The following RCAN2 variants were observed in gnomAD, a reference collection of about 807,000 sequenced individuals.
The protein encoded by RCAN2 is calcipressin-2.
Under a neutral mutation model 23.6 loss-of-function variants are expected in RCAN2, and 9 were observed. That is an observed-to-expected ratio of 0.38 (90% CI 0.23 to 0.67). The LOEUF (loss-of-function observed/expected upper bound fraction) is 0.67, where lower values mean the gene tolerates loss of function less well. Ranked by LOEUF, RCAN2 falls within the 30% of genes least tolerant of loss-of-function variation. The pLI is 0.51. For missense variants in RCAN2, 273 were observed against 302.3 expected, an observed-to-expected ratio of 0.90 and a Z score of 0.72; for synonymous variants, 109 against 115.7, an observed-to-expected ratio of 0.94 and a Z score of 0.37.
At chr6:46,440,372 T>C (rs1450254382) in intron 2 of RCAN2, among the ~76,000 whole-genome samples, 1 of 152,072 alleles carries the variant, frequency 6.6e-6, no homozygotes, top group Non-Finnish European at 1.5e-5. Context: ...AAACTATTTT[T>C]CTAAACCATA....
intron 1 of RCAN2, among the ~76,000 whole-genome samples, chr6:46,476,612 A>G (rs1475439461): frequency 6.6e-6 from 1 of 152,178 alleles, no homozygotes; most frequent in Non-Finnish European, 1.5e-5. Context: ...TCTTTGTCCA[A>G]GGTTCCTGGC....
chr6:46,465,360 A>G (rs1368759976), intron 1 of RCAN2, among the ~76,000 whole-genome samples: 1 of 152,240 alleles, frequency 6.6e-6, no homozygotes, highest in African/African-American at 2.4e-5. Flanking sequence ...TCAAGGTCTC[A>G]CAGGAAACAG....
chr6:46,406,784 A>G (rs530699571), intron 2 of RCAN2, among the ~76,000 whole-genome samples: 1 of 152,372 alleles, frequency 6.6e-6, no homozygotes, highest in Non-Finnish European at 1.5e-5. Context: ...CTTTCAGTGT[A>G]AACGACAGCC....
chr6:46,396,215 C>T (rs960024738), intron 2 of RCAN2, among the ~76,000 whole-genome samples: 2 of 151,996 alleles, frequency 1.3e-5, no homozygotes, highest in African/African-American at 2.4e-5. Flanking sequence ...TCATTTTTAT[C>T]GACAAGAGAA....
In RCAN2 at chr6:46,305,918, CTTT is replaced by C. The variant is rs756724125; in HGVS notation, c.226-57025_226-57023del. On this transcript the variant is annotated intron_variant, in intron 2 of 4. Transcript: ENST00000371374. ...CCTAGTCCTGTTCTCTGCTGAAGAC[CTTT>C]TTTTTTTTTTTTCATGATTACCACT... 1.2e-4 allele frequency among the ~76,000 whole-genome samples: 17 copies of C among 142,928 alleles called. No individual in the cohort carries two copies. The Middle Eastern group carries it at 9.9e-3, about 84-fold the overall frequency. 93.8% of individuals were successfully genotyped at this position (142,928 alleles called of 152,430 possible). A position where few individuals can be genotyped will look rare whatever the true frequency, so the allele number is the denominator to read the frequency against.
chr6:46,304,189 T>C (rs1159314150), intron 2 of RCAN2, among the ~76,000 whole-genome samples: 2 of 152,158 alleles, frequency 1.3e-5, no homozygotes, highest in Admixed American at 6.6e-5. Context: ...ATTTCCCTGA[T>C]GACTAATAGT....
chr6:46,456,971 C>T lies in RCAN2; in HGVS notation c.6G>A (p.Arg2=). The stretch of plus-strand genomic sequence containing the variant: ...TCATTCCGATGAAGTATGATTCTCC[C>T]CTCATTCCTGGGGATACAAAGATGA... M[R]GESYFIGMRS... Residue 2 remains arginine (R), a synonymous_variant, in exon 2 of 5, where the codon AGG becomes AGA. Coordinates refer to ENST00000371374, the MANE Select transcript of RCAN2 (RefSeq NM_001251974.2). The T allele has an allele frequency of 6.5e-7, 1 of 1,549,396 alleles. No homozygotes were observed. Among genetic ancestry groups the T allele is most frequent in the Non-Finnish European group, 8.7e-7 (1 of 1,145,790 alleles).
chr6:46,364,009 C>A (rs1179109396), intron 2 of RCAN2, among the ~76,000 whole-genome samples: 8 of 152,142 alleles, frequency 5.3e-5, no homozygotes. Context: ...GAAAAAAATT[C>A]ACTGAATCTT....
At chr6:46,368,343 T>C (rs983322276) in intron 2 of RCAN2, among the ~76,000 whole-genome samples, 4 of 152,216 alleles carry the variant, frequency 2.6e-5, no homozygotes, top group African/African-American at 9.6e-5. Context: ...CCTGGGCAAC[T>C]TGACTCTGGA....
rs191924233 is a variant in RCAN2 at position 46,435,720 on chromosome 6, C to A, written c.225+21032G>T. 7.2e-5 allele frequency among the ~76,000 whole-genome samples: 11 copies of A among 152,334 alleles called. No homozygotes were observed. The East Asian group carries it at 1.9e-3, about 27-fold the overall frequency. ...CAACCAATCCAGTTTTCTTTAGGAA[C>A]TGATGCAACGACAGAATGGAAAGCA... is the stretch of plus-strand genomic sequence containing the variant. On this transcript the variant is annotated intron_variant, in intron 2 of 4. Transcript: ENST00000371374.
chr6:46,482,555 G>T (rs1768892050), intron 1 of RCAN2, among the ~76,000 whole-genome samples: 1 of 152,156 alleles, frequency 6.6e-6, no homozygotes, highest in Non-Finnish European at 1.5e-5. Flanking sequence ...TTAGGTAAAG[G>T]TCTCTAACCT....
chr6:46,381,634 C>T (rs1400775531), intron 2 of RCAN2, among the ~76,000 whole-genome samples: 2 of 152,110 alleles, frequency 1.3e-5, no homozygotes, highest in Non-Finnish European at 2.9e-5. Flanking sequence ...GCTACTATTA[C>T]TATTGGAAAA....
chr6:46,241,299 T>C (rs1454874768), intron 4 of RCAN2, among the ~76,000 whole-genome samples: 1 of 152,236 alleles, frequency 6.6e-6, no homozygotes, highest in Non-Finnish European at 1.5e-5. Context: ...AAAATAAATA[T>C]TCAACTCATA....
chr6:46,378,731 C>T (rs1010879071), intron 2 of RCAN2, among the ~76,000 whole-genome samples: 3 of 152,004 alleles, frequency 2.0e-5, no homozygotes, highest in Non-Finnish European at 4.4e-5. Flanking sequence ...TGTAGCAGCC[C>T]GTTAAACAGA....
chr6:46,354,675 G>C (rs1313908532), intron 2 of RCAN2, among the ~76,000 whole-genome samples: 1 of 152,180 alleles, frequency 6.6e-6, no homozygotes, highest in African/African-American at 2.4e-5. Context: ...GCAAAGTGAG[G>C]CCAATGTAGT....
At chr6:46,452,462 G>A (rs988534721) in intron 2 of RCAN2, among the ~76,000 whole-genome samples, 1 of 152,202 alleles carries the variant, frequency 6.6e-6, no homozygotes, top group Non-Finnish European at 1.5e-5. Flanking sequence ...CCTTACTCCA[G>A]GACCCAAACT....
Position 46,456,955 on chromosome 6 carries a change from T to C in RCAN2, c.22A>G (p.Ile8Val). The C allele has an allele frequency of 6.4e-6, 10 of 1,550,700 alleles. No homozygotes were observed. The highest frequency in any genetic ancestry group is 7.8e-6 in the Non-Finnish European group (9 of 1,146,844). The change falls in exon 2 of 5, where the codon ATC becomes GTC. Residue 8 changes from isoleucine to valine, a missense_variant. By Grantham distance (29) the Ile-to-Val change is conservative. Transcript: ENST00000371374. MRGESYF[I>V]GMRSPGQQGH... ...TGCTGCCCTGGGCTCCTCATTCCGA[T>C]GAAGTATGATTCTCCCCTCATTCCT...
At chr6:46,274,514 G>A (rs996716038) in intron 2 of RCAN2, among the ~76,000 whole-genome samples, 6 of 151,798 alleles carry the variant, frequency 4.0e-5, no homozygotes, top group African/African-American at 1.5e-4. Flanking sequence ...GCTGATGTAG[G>A]TCTCTGAGTA....
At chr6:46,349,798 G>C (rs996063099) in intron 2 of RCAN2, among the ~76,000 whole-genome samples, 2 of 152,024 alleles carry the variant, frequency 1.3e-5, no homozygotes, top group African/African-American at 2.4e-5. Context: ...CTCCTGACTG[G>C]TCTCCCAGCT....
Sources: gnomAD v4.1 joint callset for allele counts (sites outside exome capture counted in the v4.1 genomes callset) on GRCh38, gnomAD v4.1.1 for gene constraint, MANE v1.5 for transcripts, NCBI Gene and HGNC (gene_info 2026-07-23, HGNC 2026-07-21) for gene names.